IPCEF1: variants seen among roughly 807,000 people sequenced by gnomAD.
IPCEF1 encodes interactor protein for cytohesin exchange factors 1.
A neutral mutation model predicts 50.9 loss-of-function variants in IPCEF1; 31 were observed. The observed-to-expected ratio is 0.61, with a 90% CI of 0.46 to 0.82. IPCEF1 has a LOEUF of 0.82. Ranked by LOEUF, IPCEF1 falls within the 40% of genes least tolerant of loss-of-function variation. IPCEF1 has a pLI of 0.00. For missense variants in IPCEF1, 458 were observed against 514.0 expected (o/e 0.89, Z 1.05); for synonymous variants, 181 against 192.0 (o/e 0.94, Z 0.47).
chr6:154,324,010 A>G (rs568465834), intron 1 of IPCEF1, among the ~76,000 whole-genome samples: 2 of 152,342 alleles, frequency 1.3e-5, no homozygotes, highest in African/African-American at 4.8e-5. Context: ...GATCACATTG[A>G]AAGTTTTGAA....
intron 1 of IPCEF1, among the ~76,000 whole-genome samples, chr6:154,320,761 A>G (rs1450329436): frequency 6.6e-6 from 1 of 152,124 alleles, no homozygotes. Flanking sequence ...GATTCCAGCT[A>G]CTTGGGAGAC....
rs1167555895 is a variant in IPCEF1, at chr6:154,155,936, T to A, written c.*3892A>T. 3 of 152,244 alleles carry A rather than the reference T, an allele frequency of 2.0e-5. No individual in the cohort carries two copies. The highest frequency in any genetic ancestry group is 4.4e-5 in the Non-Finnish European group (3 of 68,038). The allele number at this position is 152,244 out of a possible 1,614,324, so 9.4% of individuals were successfully genotyped here. A position where few individuals can be genotyped will look rare whatever the true frequency, so the allele number is the denominator to read the frequency against. On this transcript the variant is annotated 3_prime_UTR_variant, in exon 12 of 12. Transcript: ENST00000367220. ...GTGACATTGTTTGTGACTGGAGTGC[T>A]ACCTGAGTAAATTATCATGATTACA... is the stretch of plus-strand genomic sequence containing the variant.
At chr6:154,277,257 A>T (rs1359779397) in intron 2 of IPCEF1, among the ~76,000 whole-genome samples, 1 of 152,236 alleles carries the variant, frequency 6.6e-6, no homozygotes, top group African/African-American at 2.4e-5. Context: ...TCTCCAAAAC[A>T]TCTAAAGCAA....
intron 1 of IPCEF1, among the ~76,000 whole-genome samples, chr6:154,339,278 AGAG>A (rs371250917): frequency 1.2e-3 from 178 of 152,296 alleles, no homozygotes; most frequent in African/African-American, 3.6e-3. Flanking sequence ...CCTAAATGAG[AGAG>A]GAGAAGAGCC....
intron 9 of IPCEF1, among the ~76,000 whole-genome samples, chr6:154,208,116 CCCT>C (rs1298221404): frequency 6.6e-6 from 1 of 152,120 alleles, no homozygotes; most frequent in East Asian, 1.9e-4. Flanking sequence ...TTGATTATAT[CCCT>C]CCTCTGCTCA....
chr6:154,186,044 A>C (rs1801315892), intron 10 of IPCEF1, among the ~76,000 whole-genome samples: 4 of 152,124 alleles, frequency 2.6e-5, no homozygotes, highest in Admixed American at 2.6e-4. Context: ...CTCAGCCCTG[A>C]CCTCTTCCTT....
chr6:154,296,643 C>T (rs1306496895), intron 1 of IPCEF1, among the ~76,000 whole-genome samples: 2 of 152,032 alleles, frequency 1.3e-5, no homozygotes, highest in Non-Finnish European at 2.9e-5. Flanking sequence ...TCCTGGCTAA[C>T]ACAGTGAAAC....
chr6:154,242,887 CAAAGAAAAGA>C (rs10692865), intron 5 of IPCEF1, among the ~76,000 whole-genome samples: 2 of 151,462 alleles, frequency 1.3e-5, no homozygotes, highest in Non-Finnish European at 2.9e-5. Context: ...GACTCCGTCT[CAAAGAAAAGA>C]AAAGAAAAGT....
At chr6:154,229,900 GTGACGCT>G (rs1386172954) in intron 5 of IPCEF1, among the ~76,000 whole-genome samples, 4 of 152,228 alleles carry the variant, frequency 2.6e-5, no homozygotes, top group African/African-American at 7.2e-5. Flanking sequence ...GAGCAAACCA[GTGACGCT>G]TGCTGAAACA....
At chr6:154,177,568 G>T (rs1304070989) in intron 10 of IPCEF1, among the ~76,000 whole-genome samples, 1 of 152,156 alleles carries the variant, frequency 6.6e-6, no homozygotes, top group East Asian at 1.9e-4. Flanking sequence ...TCAGAGAAAT[G>T]CAAATCAAAA....
At chr6:154,331,483 GA>G (rs1783672564) in intron 1 of IPCEF1, among the ~76,000 whole-genome samples, 1 of 110,496 alleles carries the variant, frequency 9.1e-6, no homozygotes, top group Non-Finnish European at 1.8e-5. Context: ...GGGGAAGGAA[GA>G]AAAGAAAGAA....
chr6:154,334,524 C>A (rs756331008), intron 1 of IPCEF1, among the ~76,000 whole-genome samples: 7 of 152,216 alleles, frequency 4.6e-5, no homozygotes, highest in Non-Finnish European at 1.0e-4. Flanking sequence ...AGGATACATG[C>A]CCCATGGGAT....
chr6:154,252,856 C>T (rs111622468), intron 3 of IPCEF1, among the ~76,000 whole-genome samples: 8 of 152,052 alleles, frequency 5.3e-5, no homozygotes, highest in African/African-American at 1.2e-4. Flanking sequence ...TGAAAAGAGG[C>T]GTCATGATAG....
At chr6:154,340,049 G>A (rs1172567333) in intron 1 of IPCEF1, among the ~76,000 whole-genome samples, 1 of 151,590 alleles carries the variant, frequency 6.6e-6, no homozygotes, top group Non-Finnish European at 1.5e-5. Context: ...AGTAGCAGCT[G>A]AAGATACTTG....
chr6:154,263,391 G>A (rs994745181), intron 3 of IPCEF1, among the ~76,000 whole-genome samples: 5 of 140,554 alleles, frequency 3.6e-5, no homozygotes, highest in Non-Finnish European at 7.7e-5. Context: ...AGGACCCTGC[G>A]GCCTTCCGCA....
chr6:154,170,202 G>A (rs1016119538), intron 10 of IPCEF1, among the ~76,000 whole-genome samples: 2 of 152,148 alleles, frequency 1.3e-5, no homozygotes, highest in Non-Finnish European at 2.9e-5. Flanking sequence ...AAGAAAGCTT[G>A]GGAAAGAAAT....
chr6:154,195,337 T>C (rs532231585), intron 10 of IPCEF1, among the ~76,000 whole-genome samples: 7 of 151,878 alleles, frequency 4.6e-5, no homozygotes, highest in East Asian at 1.9e-4. Context: ...TTAATAGAGA[T>C]GGGGTTTCAC....
chr6:154,221,230 TG>T, intron 7 of IPCEF1, 26 bp downstream of exon 7: 1 of 1,572,492 alleles, frequency 6.4e-7, no homozygotes, highest in Non-Finnish European at 8.8e-7. Context: ...CCATTAAGGA[TG>T]GGGTTTACCA....
intron 1 of IPCEF1, among the ~76,000 whole-genome samples, chr6:154,336,776 T>C (rs535947271): frequency 6.6e-6 from 1 of 152,084 alleles, no homozygotes; most frequent in East Asian, 1.9e-4. Context: ...GCTAAGTTTT[T>C]AAAAATTTTT....
Sources: gnomAD v4.1 joint callset for allele counts (sites outside exome capture counted in the v4.1 genomes callset) on GRCh38, gnomAD v4.1.1 for gene constraint, MANE v1.5 for transcripts, NCBI Gene and HGNC (gene_info 2026-07-23, HGNC 2026-07-21) for gene names.